Variants in PPP3CA observed in about 807,000 individuals in gnomAD.
PPP3CA encodes the protein protein phosphatase 3 catalytic subunit alpha, also known as CAM-PRP catalytic subunit.
A neutral mutation model predicts 66.5 loss-of-function variants in PPP3CA; 14 were observed. The observed-to-expected ratio is 0.21, with a 90% CI of 0.14 to 0.33. The LOEUF (loss-of-function observed/expected upper bound fraction) is 0.33. PPP3CA is among the 10% of genes least tolerant of loss of function. The probability of loss-of-function intolerance (pLI) is 1.00; values close to 1 mark genes in which losing one functional copy is unlikely to be tolerated. For synonymous variants in PPP3CA, 232 were observed against 226.2 expected (o/e 1.03, Z -0.23); for missense variants, 317 against 639.5 (o/e 0.50, Z 5.44).
chr4:101,086,218 T>C (rs1391908815), intron 6 of PPP3CA, among the ~76,000 whole-genome samples: 2 of 152,036 alleles, frequency 1.3e-5, no homozygotes, highest in Non-Finnish European at 2.9e-5. Flanking sequence ...TTTTGAAAAA[T>C]ATCTATCTTT....
chr4:101,053,753 G>A (rs767570358), intron 10 of PPP3CA, among the ~76,000 whole-genome samples: 8 of 151,964 alleles, frequency 5.3e-5, no homozygotes, highest in African/African-American at 1.2e-4. Context: ...GGTTTGAACC[G>A]TCAAACTCAG....
intron 2 of PPP3CA, among the ~76,000 whole-genome samples, chr4:101,124,726 AGAAAGAAAGAAAG>A (rs1560614463): frequency 1.5e-4 from 7 of 45,678 alleles, no homozygotes; most frequent in Non-Finnish European, 2.3e-4. Context: ...AGAAAGAAAG[AGAAAGAAAGAAAG>A]AAAGAAAGAA....
chr4:101,093,674 A>G (rs752132598), intron 6 of PPP3CA, 102 bp downstream of exon 6: 10 of 1,194,594 alleles, frequency 8.4e-6, no homozygotes, highest in Non-Finnish European at 1.0e-5. Context: ...CATTTATATT[A>G]AAGAAGTAAT....
intron 1 of PPP3CA, among the ~76,000 whole-genome samples, chr4:101,226,930 A>G (rs1725801266): frequency 6.6e-6 from 1 of 151,754 alleles, no homozygotes; most frequent in Non-Finnish European, 1.5e-5. Flanking sequence ...ATGGTTCAGG[A>G]TAATTATTTT....
At chr4:101,288,248 T>G (rs560441815) in intron 1 of PPP3CA, among the ~76,000 whole-genome samples, 1 of 152,312 alleles carries the variant, frequency 6.6e-6, no homozygotes, top group South Asian at 2.1e-4. Context: ...GATGTCTGGC[T>G]GAAAAACCAA....
At chr4:101,082,493 C>T (rs1343084153) in intron 7 of PPP3CA, among the ~76,000 whole-genome samples, 3 of 152,140 alleles carry the variant, frequency 2.0e-5, no homozygotes, top group African/African-American at 4.8e-5. Flanking sequence ...TACTGGGAAA[C>T]GGTATCAGAC....
At chr4:101,209,149 T>C (rs951456323) in intron 1 of PPP3CA, among the ~76,000 whole-genome samples, 5 of 152,158 alleles carry the variant, frequency 3.3e-5, no homozygotes, top group African/African-American at 7.2e-5. Flanking sequence ...ACTTCCATAA[T>C]AGAGATTTTA....
intron 1 of PPP3CA, among the ~76,000 whole-genome samples, chr4:101,340,789 A>C (rs1729789267): frequency 6.6e-6 from 1 of 152,180 alleles, no homozygotes; most frequent in Admixed American, 6.5e-5. Flanking sequence ...TTTTCACCTG[A>C]GCCTGCTCTA....
intron 1 of PPP3CA, among the ~76,000 whole-genome samples, chr4:101,271,073 C>G (rs563121595): frequency 1.7e-4 from 26 of 152,162 alleles, no homozygotes; most frequent in South Asian, 1.7e-3. Context: ...TCCTCCTCCT[C>G]AAGGTCTTTC....
intron 1 of PPP3CA, among the ~76,000 whole-genome samples, chr4:101,256,355 T>A (rs1191393311): frequency 6.6e-6 from 1 of 152,010 alleles, no homozygotes; most frequent in African/African-American, 2.4e-5. Context: ...TCAGCTATTG[T>A]TCATTCTGGC....
At chr4:101,196,257 GCTAT>G (rs1217534616) in intron 1 of PPP3CA, 141 bp from the exon 2 acceptor site, 2 of 767,060 alleles carry the variant, frequency 2.6e-6, no homozygotes, top group Non-Finnish European at 4.1e-6. Flanking sequence ...ATGATCAAGG[GCTAT>G]CTATCAAAAA....
chr4:101,285,653 G>GTGTT (rs1727824022), intron 1 of PPP3CA, among the ~76,000 whole-genome samples: 1 of 111,676 alleles, frequency 9.0e-6, no homozygotes, highest in Middle Eastern at 5.5e-3. Context: ...GTGTGTGTGT[G>GTGTT]TTTTCTAATA....
At chr4:101,295,053 G>A (rs1054572139) in intron 1 of PPP3CA, among the ~76,000 whole-genome samples, 7 of 151,960 alleles carry the variant, frequency 4.6e-5, no homozygotes, top group African/African-American at 1.2e-4. Context: ...TGTAATCCCA[G>A]CACTTTGGGA....
rs145238054 is a variant in PPP3CA, at chr4:101,329,393, A to C, written c.58+17346T>G. Among the ~76,000 whole-genome samples the C allele has an allele frequency of 1.1e-3, 171 of 152,304 alleles. 1 individual carries two copies. The South Asian group carries it at 0.012, about 10-fold the overall frequency. On this transcript the variant is annotated intron_variant, in intron 1 of 13. Coordinates refer to ENST00000394854, the MANE Select transcript of PPP3CA (RefSeq NM_000944.5). Reference sequence around the variant, plus strand: ...GGAAATTAGCAGAAGTTGGTTCATGACATTTAAGGCAAAAAGCCATCTCCA... The same window carrying C: ...GGAAATTAGCAGAAGTTGGTTCATGCCATTTAAGGCAAAAAGCCATCTCCA...
intron 1 of PPP3CA, among the ~76,000 whole-genome samples, chr4:101,253,913 C>A (rs1461381756): frequency 6.6e-6 from 1 of 151,912 alleles, no homozygotes; most frequent in African/African-American, 2.4e-5. Flanking sequence ...AAAGTATAAC[C>A]AATAAAATTA....
chr4:101,137,389 CAG>C (rs1397088505), intron 2 of PPP3CA, among the ~76,000 whole-genome samples: 13 of 152,086 alleles, frequency 8.5e-5, no homozygotes, highest in Non-Finnish European at 1.5e-4. Context: ...TAAGGAATTA[CAG>C]AGACAACAAA....
intron 1 of PPP3CA, among the ~76,000 whole-genome samples, chr4:101,295,068 G>A (rs1252558211): frequency 2.6e-5 from 4 of 151,564 alleles, no homozygotes; most frequent in Non-Finnish European, 4.4e-5. Flanking sequence ...TTGGGAGGCC[G>A]AGGCGGGTGG....
intron 2 of PPP3CA, among the ~76,000 whole-genome samples, chr4:101,189,629 T>C (rs940309491): frequency 2.8e-5 from 4 of 143,644 alleles, no homozygotes; most frequent in African/African-American, 1.1e-4. Context: ...AGTACTTTTT[T>C]CACAGGGTTA....
chr4:101,186,623 A>G (rs1724418121), intron 2 of PPP3CA, among the ~76,000 whole-genome samples: 1 of 152,114 alleles, frequency 6.6e-6, no homozygotes, highest in African/African-American at 2.4e-5. Context: ...ATAGCGCAAA[A>G]TATGTTCATG....
Sources: allele counts gnomAD v4.1 joint callset (sites outside exome capture counted in the v4.1 genomes callset), GRCh38; gene constraint gnomAD v4.1.1; transcripts MANE v1.5; gene names NCBI Gene and HGNC (gene_info 2026-07-23, HGNC 2026-07-21).